Variants in RABGAP1L observed in about 807,000 individuals in gnomAD.
The protein encoded by RABGAP1L is RAB GTPase activating protein 1 like, also known as rab GTPase-activating protein 1-like.
In RABGAP1L, 63 loss-of-function variants were observed where a neutral mutation model predicts 137.7. That is an observed-to-expected ratio of 0.46 (90% confidence interval 0.37 to 0.56). RABGAP1L has a LOEUF of 0.56. Among genes scored for constraint, RABGAP1L ranks in the 20% least tolerant of loss-of-function variants. RABGAP1L has a pLI of 0.00. For missense variants in RABGAP1L, 1,095 were observed against 1,244.0 expected (o/e 0.88, Z 1.80); for synonymous variants, 431 against 433.7 (o/e 0.99, Z 0.08).
chr1:174,573,187 ATATG>A (rs1224668457), intron 13 of RABGAP1L, among the ~76,000 whole-genome samples: 1 of 151,800 alleles, frequency 6.6e-6, no homozygotes, highest in South Asian at 2.1e-4. Flanking sequence ...TATATACACT[ATATG>A]TGTGTGTATA....
intron 11 of RABGAP1L, among the ~76,000 whole-genome samples, chr1:174,368,648 A>G (rs1268785765): frequency 6.6e-6 from 1 of 151,994 alleles, no homozygotes; most frequent in Non-Finnish European, 1.5e-5. Flanking sequence ...ATTTTTCTTT[A>G]TTCTATTGAT....
Position 174,286,859 on chromosome 1 carries a change from G to A in RABGAP1L, c.1323+8080G>A, listed in dbSNP as rs369371047. On this transcript the variant is annotated intron_variant, in intron 10 of 25. Transcript: ENST00000681986. ...ATCTGAATTTTCCATTTTTCCCTCTGTTTTTATTTCTAGTTTTATACCATT... is the reference window on the plus strand; with the variant it reads ...ATCTGAATTTTCCATTTTTCCCTCTATTTTTATTTCTAGTTTTATACCATT... Among the ~76,000 whole-genome samples, 26 of 151,852 alleles carry A rather than the reference G, an allele frequency of 1.7e-4. No homozygotes were observed. The South Asian group carries it at 4.8e-3, about 28-fold the overall frequency.
chr1:174,493,559 C>T (rs540004814), intron 13 of RABGAP1L, among the ~76,000 whole-genome samples: 66 of 151,858 alleles, frequency 4.3e-4, no homozygotes, highest in Non-Finnish European at 6.3e-4. Context: ...GTGGTTCATG[C>T]GTGTAATCCT....
chr1:174,758,608 A>G (rs1040959587), intron 18 of RABGAP1L, among the ~76,000 whole-genome samples: 5 of 152,118 alleles, frequency 3.3e-5, no homozygotes, highest in Admixed American at 6.6e-5. Context: ...AGTTTCTACA[A>G]AAGACATTAT....
intron 19 of RABGAP1L, among the ~76,000 whole-genome samples, chr1:174,895,532 T>C (rs1656999280): frequency 6.6e-6 from 1 of 152,060 alleles, no homozygotes; most frequent in Admixed American, 6.5e-5. Context: ...CATGTTGATG[T>C]GCTGCAACCA....
chr1:174,223,226 C>T (rs1054518044), intron 3 of RABGAP1L, among the ~76,000 whole-genome samples: 1 of 130,196 alleles, frequency 7.7e-6, no homozygotes, highest in Non-Finnish European at 1.6e-5. Context: ...CAAGACTGCA[C>T]CATTGCACTC....
At chr1:174,762,807 CT>C (rs71563260) in intron 18 of RABGAP1L, among the ~76,000 whole-genome samples, 16,208 of 81,832 alleles carry the variant, frequency 0.2, 1,006 homozygotes, top group Non-Finnish European at 0.23. Context: ...GTCTCCTTTG[CT>C]TTTTTTTTTT....
intron 1 of RABGAP1L, among the ~76,000 whole-genome samples, chr1:174,161,567 G>A (rs1467862842): frequency 1.3e-5 from 2 of 151,974 alleles, no homozygotes; most frequent in African/African-American, 4.8e-5. Flanking sequence ...AGTCATATGG[G>A]GAGAAGTAGA....
intron 19 of RABGAP1L, among the ~76,000 whole-genome samples, chr1:174,818,838 G>A (rs534672170): frequency 6.1e-4 from 92 of 151,318 alleles, no homozygotes; most frequent in African/African-American, 2.1e-3. Flanking sequence ...GTGAAACCCC[G>A]TCTCTACCAG....
Position 174,599,542 on chromosome 1 carries a change from C to G in RABGAP1L, c.1711-37833C>G, listed in dbSNP as rs1033484813. Among the ~76,000 whole-genome samples, 10 of 152,134 alleles carry G rather than the reference C, an allele frequency of 6.6e-5. No homozygotes were observed. The East Asian group carries it at 1.9e-3, about 29-fold the overall frequency. ...GATAGGTCAGCAATTAATGAAATCC[C>G]TCAGTTTTTGTTTGTCTGGGAAAGT... On this transcript the variant is annotated intron_variant, in intron 13 of 25. Transcript: ENST00000681986.
chr1:174,981,550 CTTTTTTTTTTTTTT>C (rs10556099), intron 23 of RABGAP1L, among the ~76,000 whole-genome samples: 19 of 66,436 alleles, frequency 2.9e-4, no homozygotes, highest in East Asian at 1.3e-3. Context: ...GTTTTTCCAT[CTTTTTTTTTTTTTT>C]TTTTTTTTTT....
intron 13 of RABGAP1L, among the ~76,000 whole-genome samples, chr1:174,440,456 A>G (rs769607261): frequency 2.0e-5 from 3 of 152,208 alleles, no homozygotes; most frequent in Non-Finnish European, 4.4e-5. Flanking sequence ...AGATGGAGAA[A>G]AGTTACCAGG....
intron 14 of RABGAP1L, among the ~76,000 whole-genome samples, chr1:174,667,482 T>A (rs1676873276): frequency 6.6e-6 from 1 of 152,208 alleles, no homozygotes; most frequent in Non-Finnish European, 1.5e-5. Flanking sequence ...CCTATTTGCA[T>A]CTCATAGGAC....
chr1:174,753,769 C>G (rs573536455), intron 18 of RABGAP1L, among the ~76,000 whole-genome samples: 8 of 152,100 alleles, frequency 5.3e-5, no homozygotes, highest in African/African-American at 1.9e-4. Flanking sequence ...GTAATACAGA[C>G]TAAAAAAATA....
At chr1:174,366,779 A>G (rs1017949401) in intron 11 of RABGAP1L, among the ~76,000 whole-genome samples, 1 of 610 alleles carries the variant, frequency 1.6e-3, no homozygotes, top group Non-Finnish European at 5.7e-3. Flanking sequence ...CGTCTCCAGG[A>G]AAAAAAAAAA....
intron 19 of RABGAP1L, among the ~76,000 whole-genome samples, chr1:174,953,822 A>G (rs950959113): frequency 2.0e-5 from 3 of 152,228 alleles, no homozygotes; most frequent in African/African-American, 4.8e-5. Flanking sequence ...CTGAAAGGTC[A>G]GAAGGTTCTG....
rs1671994077 is a variant in RABGAP1L at position 174,990,616 on chromosome 1, C to G, written c.*615C>G. The G allele has an allele frequency of 1.3e-5, 2 of 152,212 alleles. No individual in the cohort carries two copies. The highest frequency in any genetic ancestry group is 1.5e-5 in the Non-Finnish European group (1 of 68,054). 9.4% of individuals were successfully genotyped at this position (152,212 alleles called of 1,614,324 possible). A position where few individuals can be genotyped will look rare whatever the true frequency, so the allele number is the denominator to read the frequency against. On this transcript the variant is annotated 3_prime_UTR_variant, in exon 26 of 26. Coordinates refer to ENST00000681986, the MANE Select transcript of RABGAP1L (RefSeq NM_001366446.1). ...AAATGAAGTGCCAGGAATAGACGGG[C>G]TGTTCAGATTATACGCTAGGTAAAA... is the stretch of plus-strand genomic sequence containing the variant.
intron 1 of RABGAP1L, among the ~76,000 whole-genome samples, chr1:174,190,316 AAAAGAAAG>A (rs58387748): frequency 3.3e-5 from 5 of 150,884 alleles, no homozygotes; most frequent in Non-Finnish European, 5.9e-5. Flanking sequence ...AAAAAAAAAA[AAAAGAAAG>A]AAAGAAAGAA....
At chr1:174,642,205 G>T (rs925421629) in intron 14 of RABGAP1L, among the ~76,000 whole-genome samples, 1 of 152,114 alleles carries the variant, frequency 6.6e-6, no homozygotes, top group African/African-American at 2.4e-5. Context: ...GGGAGAGATT[G>T]AATATATTAT....
Sources: allele counts gnomAD v4.1 joint callset (sites outside exome capture counted in the v4.1 genomes callset), GRCh38; gene constraint gnomAD v4.1.1; transcripts MANE v1.5; gene names NCBI Gene and HGNC (gene_info 2026-07-23, HGNC 2026-07-21).